SASH1: variants seen among roughly 807,000 people sequenced by gnomAD.
SASH1 encodes the protein SAM and SH3 domain containing 1.
SASH1 carries 44 observed loss-of-function variants against 125.2 expected under a neutral mutation model. The ratio of observed to expected loss-of-function variants is 0.35; its 90% CI spans 0.28 to 0.45. The LOEUF is 0.45. Ranked by LOEUF, SASH1 falls within the 20% of genes least tolerant of loss-of-function variation. The probability of loss-of-function intolerance (pLI) is 1.00; values close to 1 mark genes in which losing one functional copy is unlikely to be tolerated. For missense variants in SASH1, 1,426 were observed against 1,614.5 expected (o/e 0.88, Z 2.00); for synonymous variants, 639 against 649.1 (o/e 0.98, Z 0.24).
intron 8 of SASH1, among the ~76,000 whole-genome samples, chr6:148,491,687 T>C (rs577102897): frequency 1.3e-5 from 2 of 152,182 alleles, no homozygotes; most frequent in Admixed American, 6.5e-5. Context: ...GAAATAAATA[T>C]AATCCTCCCA....
intron 8 of SASH1, chr6:148,508,456 A>G (rs565307022): frequency 1.3e-5 from 13 of 1,000,552 alleles, no homozygotes; most frequent in East Asian, 1.0e-4. Flanking sequence ...ATAGACAGTA[A>G]TTAAGGAACT....
Position 148,308,061 on chromosome 6 carries a change from A to C in SASH1, n.74+35684A>C, listed in dbSNP as rs1052946765. On this transcript the variant is annotated intron_variant and non_coding_transcript_variant, in intron 1 of 3. Transcript: ENST00000367469. ...AAGTATAACCAGCCACTGTGTCCTC[A>C]CTATCTTTTTGATCTCTTTCTTGGG... Among the ~76,000 whole-genome samples the C allele has an allele frequency of 7.2e-5, 11 of 152,052 alleles. No individual in the cohort carries two copies. The East Asian group carries it at 2.1e-3, about 30-fold the overall frequency.
chr6:148,551,052 C>A lies in SASH1; in HGVS notation c.*2494C>A, dbSNP rs1354248987. On this transcript the variant is annotated 3_prime_UTR_variant, in exon 20 of 20. Transcript: ENST00000367467. ...CATAGAAAATCAAATTCAGGGACCA[C>A]AAAGAATTTTCAGTGGGAATGTCTA... 1.3e-5 allele frequency: 2 copies of A among 152,566 alleles called. No individual in the cohort carries two copies. The highest frequency in any genetic ancestry group is 4.8e-5 in the African/African-American group (2 of 41,428). The allele number at this position is 152,566 out of a possible 1,614,324, so 9.5% of individuals were successfully genotyped here. A position where few individuals can be genotyped will look rare whatever the true frequency, so the allele number is the denominator to read the frequency against.
intron 2 of SASH1, among the ~76,000 whole-genome samples, chr6:148,433,406 C>CT (rs5880780): frequency 0.032 from 4,098 of 127,968 alleles, 218 homozygotes; most frequent in African/African-American, 0.11. Context: ...TTTCTTTTTT[C>CT]TTTTTTTTTT....
At chr6:148,206,041 A>G in the SASH1 span, among the ~76,000 whole-genome samples, 1,696 of 152,282 alleles carry the variant, frequency 0.011, 26 homozygotes, top group African/African-American at 0.039. Context: ...GTAAAAATAT[A>G]TATATAGAAA....
intron 1 of SASH1, among the ~76,000 whole-genome samples, chr6:148,279,568 G>A (rs1416736279): frequency 2.6e-5 from 4 of 152,114 alleles, no homozygotes; most frequent in South Asian, 4.1e-4. Context: ...AGAGCAATTC[G>A]CTGGGAAACA....
At chr6:148,348,406 G>A (rs1182410420) in intron 1 of SASH1, among the ~76,000 whole-genome samples, 1 of 152,134 alleles carries the variant, frequency 6.6e-6, no homozygotes, top group African/African-American at 2.4e-5. Flanking sequence ...GCCTTTATTT[G>A]CTGTTCTCTA....
At chr6:148,397,199 G>C (rs539269580) in intron 2 of SASH1, among the ~76,000 whole-genome samples, 1 of 152,154 alleles carries the variant, frequency 6.6e-6, no homozygotes, top group South Asian at 2.1e-4. Context: ...AGTTTGTTTT[G>C]TCCTGGCACG....
At chr6:148,387,584 CTTTCT>C (rs1562370920) in intron 1 of SASH1, among the ~76,000 whole-genome samples, 2 of 6,610 alleles carry the variant, frequency 3.0e-4, no homozygotes, top group Admixed American at 2.0e-3. Flanking sequence ...TTCTTTCTTT[CTTTCT>C]TTCTTTCTTT....
rs61460366 is a variant in SASH1 at position 148,429,385 on chromosome 6, TAAAAA to T, written c.286-10776_286-10772del. On this transcript the variant is annotated intron_variant, in intron 2 of 19. Transcript: ENST00000367467. Reference sequence around the variant, plus strand: ...GGTGACAGAGCAAGACCCTGTCTCTTAAAAAAAAAAAAAAAAAAAAAAAAAAAGAG... The same window carrying T: ...GGTGACAGAGCAAGACCCTGTCTCTTAAAAAAAAAAAAAAAAAAAAAAGAG... Among the ~76,000 whole-genome samples, 453 of 73,936 alleles carry T rather than the reference TAAAAA, an allele frequency of 6.1e-3. 6 individuals are homozygous for T. Among genetic ancestry groups the T allele is most frequent in the African/African-American group, 0.02 (376 of 18,836 alleles). The allele number at this position is 73,936 out of a possible 152,430, so 48.5% of individuals were successfully genotyped here.
At chr6:148,335,575 T>A (rs1447502323) in intron 1 of SASH1, among the ~76,000 whole-genome samples, 1 of 151,608 alleles carries the variant, frequency 6.6e-6, no homozygotes, top group East Asian at 1.9e-4. Context: ...AATAAATGAA[T>A]GGATATATCC....
upstream of SASH1, among the ~76,000 whole-genome samples, chr6:148,271,296 T>A (rs1314643744): frequency 6.6e-6 from 1 of 152,194 alleles, no homozygotes; most frequent in Non-Finnish European, 1.5e-5. Flanking sequence ...TTTTTCCCCA[T>A]GAAGATAGGA....
At chr6:148,358,335 G>C (rs1340689239) in intron 1 of SASH1, among the ~76,000 whole-genome samples, 1 of 152,212 alleles carries the variant, frequency 6.6e-6, no homozygotes, top group Non-Finnish European at 1.5e-5. Flanking sequence ...AGATTGGTTT[G>C]AATCTTGCAT....
intron 7 of SASH1, among the ~76,000 whole-genome samples, chr6:148,477,104 A>G (rs1778398364): frequency 1.3e-5 from 2 of 152,262 alleles, no homozygotes; most frequent in African/African-American, 2.4e-5. Context: ...CTCAACTATG[A>G]AACTAGTAAA....
In SASH1 at chr6:148,533,753, T is replaced by C. The variant is rs1366093230; in HGVS notation, c.1735-18T>C. ...TGGAATGTACCTAATGGAAAGATCT[T>C]TGCTCCCTGGGCCACAGAAAGGAGA... On this transcript the variant is annotated intron_variant, in intron 14 of 19. Transcript: ENST00000367467. The surrounding 1 kb of genome is among the most constrained non-coding windows in gnomAD (Gnocchi z 6.2). 3 of 1,605,330 alleles carry C rather than the reference T, an allele frequency of 1.9e-6. No individual in the cohort carries two copies. The African/African-American group carries it at 4.0e-5, about 21-fold the overall frequency.
At chr6:148,461,526 A>G (rs958303449) in intron 4 of SASH1, among the ~76,000 whole-genome samples, 2 of 152,152 alleles carry the variant, frequency 1.3e-5, no homozygotes, top group African/African-American at 4.8e-5. Flanking sequence ...CAAGCAAGAG[A>G]GGTGCATAGG....
At chr6:148,435,180 C>A (rs1776242697) in intron 2 of SASH1, among the ~76,000 whole-genome samples, 1 of 152,140 alleles carries the variant, frequency 6.6e-6, no homozygotes, top group African/African-American at 2.4e-5. Context: ...GGCCAAGAGA[C>A]CAGCCTGGCC....
upstream of SASH1, among the ~76,000 whole-genome samples, chr6:148,269,001 G>A (rs1779001217): frequency 6.6e-6 from 1 of 152,142 alleles, no homozygotes; most frequent in Admixed American, 6.6e-5. Flanking sequence ...GTTTTCATGT[G>A]CATTCACCAT....
At chr6:148,403,994 A>T (rs1784278266) in intron 2 of SASH1, among the ~76,000 whole-genome samples, 2 of 152,340 alleles carry the variant, frequency 1.3e-5, no homozygotes, top group South Asian at 4.1e-4. Flanking sequence ...TATAGTGAGT[A>T]TGTTGTCCAT....
Sources: allele counts gnomAD v4.1 joint callset (sites outside exome capture counted in the v4.1 genomes callset), GRCh38; gene constraint gnomAD v4.1.1; non-coding constraint Gnocchi (gnomAD v3.1); transcripts MANE v1.5; gene names NCBI Gene and HGNC (gene_info 2026-07-23, HGNC 2026-07-21).